POC1A: variants seen among roughly 807,000 people sequenced by gnomAD.
POC1A encodes the protein POC1 centriolar protein A, also known as POC1 centriolar protein homolog A.
A neutral mutation model predicts 47.8 loss-of-function variants in POC1A; 34 were observed. The observed-to-expected ratio is 0.71, with a 90% CI of 0.54 to 0.95. The LOEUF (loss-of-function observed/expected upper bound fraction) is 0.95, where lower values mean the gene tolerates loss of function less well. POC1A is among the 40% of genes least tolerant of loss of function. POC1A has a pLI of 0.00. For missense variants in POC1A, 466 were observed against 528.3 expected (o/e 0.88, Z 1.16); for synonymous variants, 177 against 207.6 (o/e 0.85, Z 1.27).
In POC1A at chr3:52,079,707, G is replaced by T. The variant is rs1702224477; in HGVS notation, c.1126-3722C>A. ...CCATGGCTTCTGGCTTTGGGGCAGG[G>T]TAAAGGGAAACTGACGAAGGGGTTG... On this transcript the variant is annotated intron_variant, in intron 10 of 10. Transcript: ENST00000296484. The surrounding 1 kb of genome is among the most constrained non-coding windows in gnomAD (Gnocchi z 4.6). Among the ~76,000 whole-genome samples the T allele has an allele frequency of 6.6e-6, 1 of 152,210 alleles. No individual in the cohort carries two copies. Among genetic ancestry groups the T allele is most frequent in the South Asian group, 2.1e-4 (1 of 4,834 alleles).
chr3:52,090,132 G>A lies in POC1A; in HGVS notation c.1125+6437C>T, dbSNP rs940025697. On this transcript the variant is annotated intron_variant, in intron 10 of 10. Coordinates refer to ENST00000296484, the MANE Select transcript of POC1A (RefSeq NM_015426.5). The surrounding 1 kb of genome is among the most constrained non-coding windows in gnomAD (Gnocchi z 4.2). ...CAAAGAGACCCAAACAAGCAGGGCT[G>A]GTGGGCTTGCTCCCTGCCTGCTCCC... Among the ~76,000 whole-genome samples the A allele has an allele frequency of 2.0e-5, 3 of 152,204 alleles. No homozygotes were observed. Among genetic ancestry groups the A allele is most frequent in the Non-Finnish European group, 2.9e-5 (2 of 68,040 alleles).
At position 52,150,966 on chromosome 3, in the gene POC1A, T is replaced by TG. The variant is rs751614549; in HGVS notation, c.103+49dup. 3 of 1,579,870 alleles carry TG rather than the reference T, an allele frequency of 1.9e-6. No homozygotes were observed. The African/African-American group carries it at 4.0e-5, about 21-fold the overall frequency. ...CCACCACCCCTCCGAGGTAAAAACT[T>TG]GGCCTGTTCAGCTCATAACCTAGCA... On this transcript the variant is annotated intron_variant, in intron 2 of 10. Transcript: ENST00000296484.
chr3:52,118,324 C>T (rs1703647935), intron 9 of POC1A, among the ~76,000 whole-genome samples: 1 of 152,192 alleles, frequency 6.6e-6, no homozygotes, highest in Non-Finnish European at 1.5e-5. Flanking sequence ...ACAACTCAGC[C>T]AAGAATAGAG....
At chr3:52,112,127 C>A (rs893537053) in intron 9 of POC1A, among the ~76,000 whole-genome samples, 1 of 152,282 alleles carries the variant, frequency 6.6e-6, no homozygotes, top group South Asian at 2.1e-4. Context: ...GTTTAAAGGG[C>A]CCACGGGGCA....
At chr3:52,141,598 T>C (rs1012181216) in intron 6 of POC1A, among the ~76,000 whole-genome samples, 3 of 152,196 alleles carry the variant, frequency 2.0e-5, no homozygotes, top group African/African-American at 7.2e-5. Context: ...GTAGGTTGGC[T>C]AGATCAGGTG....
Position 52,147,029 on chromosome 3 carries a change from CTTG to C in POC1A, c.519_521del (p.Asp173_Lys174delinsGlu). 1.2e-6 allele frequency: 2 copies of C among 1,614,188 alleles called. No individual in the cohort carries two copies. Among genetic ancestry groups the C allele is most frequent in the Non-Finnish European group, 1.7e-6 (2 of 1,180,036 alleles). Reference sequence around the variant, plus strand: ...ACGAGTGGACACATTCCCGGCTGCTCTTGTCCCACAGCTTAACAGTCTTGTCAT... The same window carrying C: ...ACGAGTGGACACATTCCCGGCTGCTCTCCCACAGCTTAACAGTCTTGTCAT... On this transcript the variant is annotated inframe_deletion, in exon 5 of 11. Transcript: ENST00000296484.
At chr3:52,111,583 T>G (rs1415162174) in intron 9 of POC1A, among the ~76,000 whole-genome samples, 1 of 148,612 alleles carries the variant, frequency 6.7e-6, no homozygotes, top group Non-Finnish European at 1.5e-5. Flanking sequence ...AAGGAATAGG[T>G]TACAGTAAGC....
chr3:52,135,367 T>G (rs956479934), intron 7 of POC1A, among the ~76,000 whole-genome samples: 3 of 152,202 alleles, frequency 2.0e-5, no homozygotes, highest in Admixed American at 6.5e-5. Context: ...AAGCCAACAT[T>G]AGCTGAATCT....
chr3:52,088,245 C>T (rs1702527360), intron 10 of POC1A, among the ~76,000 whole-genome samples: 1 of 152,166 alleles, frequency 6.6e-6, no homozygotes, highest in Non-Finnish European at 1.5e-5. Flanking sequence ...GGGATGGAGT[C>T]TCAAGGCTCC....
chr3:52,081,170 G>T (rs918350946), intron 10 of POC1A, among the ~76,000 whole-genome samples: 1 of 152,196 alleles, frequency 6.6e-6, no homozygotes, highest in African/African-American at 2.4e-5. Flanking sequence ...TAGACCAAGG[G>T]TTAGCAAACT....
chr3:52,111,293 C>G (rs1233356248), intron 9 of POC1A, among the ~76,000 whole-genome samples: 1 of 152,240 alleles, frequency 6.6e-6, no homozygotes, highest in African/African-American at 2.4e-5. Context: ...CTTGCCACCT[C>G]TACCCTAATC....
intron 9 of POC1A, among the ~76,000 whole-genome samples, chr3:52,105,970 G>A (rs1280438690): frequency 6.6e-6 from 1 of 152,104 alleles, no homozygotes; most frequent in African/African-American, 2.4e-5. Context: ...TGAGGCGGGC[G>A]GATCACGAGG....
At chr3:52,153,357 G>A (rs1476363986) in intron 1 of POC1A, among the ~76,000 whole-genome samples, 1 of 152,234 alleles carries the variant, frequency 6.6e-6, no homozygotes, top group Non-Finnish European at 1.5e-5. Context: ...CTCCTCCTGG[G>A]AAAGGATGTC....
intron 9 of POC1A, among the ~76,000 whole-genome samples, chr3:52,108,656 A>G (rs1703271386): frequency 6.6e-6 from 1 of 152,088 alleles, no homozygotes; most frequent in Admixed American, 6.6e-5. Context: ...GACTGGCTCT[A>G]CCCAACCCGC....
At chr3:52,149,521 A>G (rs1698482798) in intron 3 of POC1A, 132 bp from the exon 4 acceptor site, 1 of 784,768 alleles carries the variant, frequency 1.3e-6, no homozygotes, top group Non-Finnish European at 2.0e-6. Context: ...CAGTCTCCAC[A>G]AGGGAAAGCC....
chr3:52,081,261 G>A (rs1053026410), intron 10 of POC1A, among the ~76,000 whole-genome samples: 1 of 152,188 alleles, frequency 6.6e-6, no homozygotes, highest in African/African-American at 2.4e-5. Context: ...TGCCTTCTGG[G>A]TCCAGCGACA....
chr3:52,076,374 G>A (rs1046066031), intron 10 of POC1A, among the ~76,000 whole-genome samples: 11 of 152,178 alleles, frequency 7.2e-5, no homozygotes, highest in Non-Finnish European at 1.5e-4. Flanking sequence ...GCCAGGCACT[G>A]TCCATAAACA....
In POC1A at chr3:52,093,021, C is replaced by T. The variant is rs551993956; in HGVS notation, c.1125+3548G>A. 2.6e-5 allele frequency among the ~76,000 whole-genome samples: 4 copies of T among 152,268 alleles called. 1 individual carries two copies. The highest frequency in any genetic ancestry group is 9.6e-5 in the African/African-American group (4 of 41,546). On this transcript the variant is annotated intron_variant, in intron 10 of 10. Transcript: ENST00000296484. The stretch of plus-strand genomic sequence containing the variant: ...GCCATGATAGCACTGCCCTTGCTCG[C>T]GTCTCAACTTCTCTGTGTCCCCATC...
intron 7 of POC1A, among the ~76,000 whole-genome samples, chr3:52,126,048 C>T (rs1577884008): frequency 6.6e-6 from 1 of 152,202 alleles, no homozygotes; most frequent in Non-Finnish European, 1.5e-5. Flanking sequence ...TCCTCCCAGT[C>T]GAACTTTTAC....
Sources: gnomAD v4.1 joint callset for allele counts (sites outside exome capture counted in the v4.1 genomes callset) on GRCh38, gnomAD v4.1.1 for gene constraint, Gnocchi (gnomAD v3.1) non-coding constraint, MANE v1.5 for transcripts, NCBI Gene and HGNC (gene_info 2026-07-23, HGNC 2026-07-21) for gene names.